The following DOCK1 variants were observed in gnomAD, a reference collection of about 807,000 sequenced individuals.
The protein encoded by DOCK1 is dedicator of cytokinesis protein 1.
A neutral mutation model predicts 262.7 loss-of-function variants in DOCK1; 138 were observed. That is an observed-to-expected ratio of 0.53 (90% CI 0.46 to 0.61). The LOEUF (loss-of-function observed/expected upper bound fraction) is 0.61. Ranked by LOEUF, DOCK1 falls within the 20% of genes least tolerant of loss-of-function variation. The pLI is 0.00. For missense variants in DOCK1, 1,908 were observed against 2,370.7 expected (o/e 0.80, Z 4.05); for synonymous variants, 866 against 867.4 (o/e 1.00, Z 0.03).
intron 21 of DOCK1, among the ~76,000 whole-genome samples, chr10:127,045,662 G>C (rs114080550): frequency 6.6e-6 from 1 of 152,146 alleles, no homozygotes; most frequent in Non-Finnish European, 1.5e-5. Flanking sequence ...TCCGCACCTC[G>C]AGCTGTGTCT....
At position 127,248,782 on chromosome 10, in the gene DOCK1, T is replaced by C. The variant is rs1459372020; in HGVS notation, c.2949+673T>C. Among the ~76,000 whole-genome samples the C allele has an allele frequency of 3.3e-5, 5 of 152,316 alleles. No individual in the cohort carries two copies. In the South Asian group the frequency reaches 8.3e-4, roughly 25 times the overall value. On this transcript the variant is annotated intron_variant, in intron 28 of 51. Coordinates refer to ENST00000623213, the MANE Select transcript of DOCK1 (RefSeq NM_001290223.2). The stretch of plus-strand genomic sequence containing the variant: ...CCATTTCTAAGGATCTGTAAGGTCC[T>C]GTAGAACAGGGTCCCCAATCCCTGG...
chr10:127,285,375 G>A (rs142857321), intron 29 of DOCK1, among the ~76,000 whole-genome samples: 68 of 152,300 alleles, frequency 4.5e-4, no homozygotes, highest in African/African-American at 1.5e-3. Context: ...CCTTTTGTGC[G>A]AAGGAAATTA....
intron 22 of DOCK1, among the ~76,000 whole-genome samples, chr10:127,058,422 T>G (rs1421730013): frequency 6.6e-6 from 1 of 152,032 alleles, no homozygotes; most frequent in Non-Finnish European, 1.5e-5. Context: ...GGTGTGCCTC[T>G]TATAATACAA....
At chr10:126,912,601 C>T (rs9423009) in intron 1 of DOCK1, among the ~76,000 whole-genome samples, 36,116 of 150,912 alleles carry the variant, frequency 0.24, 4,987 homozygotes, top group East Asian at 0.52. Flanking sequence ...TGGCGGGCGC[C>T]TGTGGTCCCA....
intron 29 of DOCK1, among the ~76,000 whole-genome samples, chr10:127,292,712 G>C (rs1320102010): frequency 6.6e-6 from 1 of 152,108 alleles, no homozygotes; most frequent in Non-Finnish European, 1.5e-5. Context: ...GTGCCTGCTT[G>C]TCAGGTATGC....
chr10:126,921,308 A>G (rs565779477), intron 1 of DOCK1, among the ~76,000 whole-genome samples: 1 of 152,272 alleles, frequency 6.6e-6, no homozygotes, highest in East Asian at 1.9e-4. Context: ...CCATCATTGG[A>G]TGAATGGATA....
chr10:127,122,497 G>A (rs1369184116), intron 25 of DOCK1, among the ~76,000 whole-genome samples: 3 of 152,046 alleles, frequency 2.0e-5, no homozygotes. Context: ...TCCTCAAGCA[G>A]CATCTCATTT....
At chr10:127,218,731 C>T (rs912615589) in intron 27 of DOCK1, among the ~76,000 whole-genome samples, 1 of 152,176 alleles carries the variant, frequency 6.6e-6, no homozygotes, top group Non-Finnish European at 1.5e-5. Flanking sequence ...GTATTAAGGT[C>T]TGTCTTAGTT....
chr10:127,250,155 TA>T (rs2059575715), intron 28 of DOCK1, among the ~76,000 whole-genome samples: 1 of 152,178 alleles, frequency 6.6e-6, no homozygotes, highest in African/African-American at 2.4e-5. Flanking sequence ...TCTTCAGAAA[TA>T]GAAGAATTAC....
At chr10:127,020,868 C>G (rs1250433466) in intron 13 of DOCK1, among the ~76,000 whole-genome samples, 1 of 152,164 alleles carries the variant, frequency 6.6e-6, no homozygotes, top group Non-Finnish European at 1.5e-5. Context: ...GGATGCGCGT[C>G]TTCTTTGGAC....
At chr10:127,423,419 G>T (rs1029537874) in intron 46 of DOCK1, among the ~76,000 whole-genome samples, 2 of 152,158 alleles carry the variant, frequency 1.3e-5, no homozygotes, top group African/African-American at 4.8e-5. Context: ...AGAAACAGAG[G>T]ATGGGCTGAC....
intron 40 of DOCK1, 111 bp from the exon 41 acceptor site, chr10:127,408,926 A>G: frequency 1.5e-6 from 2 of 1,357,152 alleles, no homozygotes; most frequent in Non-Finnish European, 2.0e-6. Context: ...TCTTAAATTT[A>G]ATGACATTTT....
intron 27 of DOCK1, among the ~76,000 whole-genome samples, chr10:127,232,492 C>T (rs1345536804): frequency 6.6e-6 from 1 of 152,028 alleles, no homozygotes; most frequent in Non-Finnish European, 1.5e-5. Flanking sequence ...CCTTGGTCCA[C>T]ATTCGTACTG....
At chr10:127,172,770 C>G (rs989700305) in intron 27 of DOCK1, among the ~76,000 whole-genome samples, 1 of 152,102 alleles carries the variant, frequency 6.6e-6, no homozygotes, top group African/African-American at 2.4e-5. Flanking sequence ...TAAAACCATC[C>G]TTTGTCTTGA....
intron 27 of DOCK1, among the ~76,000 whole-genome samples, chr10:127,195,164 G>T (rs901551276): frequency 6.6e-6 from 1 of 152,306 alleles, no homozygotes; most frequent in South Asian, 2.1e-4. Flanking sequence ...AAGCAGTGGG[G>T]ACATCAGCCT....
chr10:127,336,315 T>C (rs1319564935), intron 29 of DOCK1, among the ~76,000 whole-genome samples: 1 of 152,108 alleles, frequency 6.6e-6, no homozygotes, highest in Non-Finnish European at 1.5e-5. Context: ...CCAAGCATCA[T>C]CTGATCTTTG....
chr10:127,410,792 G>T (rs576796741), intron 42 of DOCK1, 48 bp from the exon 43 acceptor site: 2 of 1,575,800 alleles, frequency 1.3e-6, no homozygotes, highest in Non-Finnish European at 1.7e-6. Flanking sequence ...AAAGCAAATT[G>T]GCTATTTGCC....
chr10:127,442,914 G>T (rs1434824029), intron 49 of DOCK1, among the ~76,000 whole-genome samples: 1 of 152,226 alleles, frequency 6.6e-6, no homozygotes, highest in Non-Finnish European at 1.5e-5. Context: ...GTGCTGTCCA[G>T]CCCAGGCTGT....
At chr10:127,410,766 C>G in intron 42 of DOCK1, 74 bp from the exon 43 acceptor site, 3 of 1,403,980 alleles carry the variant, frequency 2.1e-6, no homozygotes. Flanking sequence ...TGTTCTAAGG[C>G]CAGACCCCGT....
Sources: gnomAD v4.1 joint callset for allele counts (sites outside exome capture counted in the v4.1 genomes callset) on GRCh38, gnomAD v4.1.1 for gene constraint, MANE v1.5 for transcripts, NCBI Gene and HGNC (gene_info 2026-07-23, HGNC 2026-07-21) for gene names.